The following CADM2 variants were observed in gnomAD, a reference collection of about 807,000 sequenced individuals.
The protein encoded by CADM2 is cell adhesion molecule 2.
Under a neutral mutation model 49.8 loss-of-function variants are expected in CADM2, and 12 were observed. That is an observed-to-expected ratio of 0.24 (90% CI 0.15 to 0.39). The LOEUF (loss-of-function observed/expected upper bound fraction) is 0.39, where lower values mean the gene tolerates loss of function less well. CADM2 is among the 10% of genes least tolerant of loss of function. CADM2 has a pLI of 1.00. For missense variants in CADM2, 378 were observed against 492.3 expected (o/e 0.77, Z 2.20); for synonymous variants, 214 against 175.4 (o/e 1.22, Z -1.74).
At chr3:85,743,382 A>G (rs924117135) in intron 2 of CADM2, among the ~76,000 whole-genome samples, 1 of 152,216 alleles carries the variant, frequency 6.6e-6, no homozygotes, top group Non-Finnish European at 1.5e-5. Flanking sequence ...ACAGAAAAAC[A>G]TAAGGCAGAT....
At chr3:84,991,983 A>T (rs2032917464) in intron 1 of CADM2, among the ~76,000 whole-genome samples, 1 of 152,200 alleles carries the variant, frequency 6.6e-6, no homozygotes, top group Non-Finnish European at 1.5e-5. Flanking sequence ...CCTGGTTACT[A>T]GGTGTTAGGG....
At chr3:85,539,513 G>A (rs374709888) in intron 1 of CADM2, among the ~76,000 whole-genome samples, 1 of 151,614 alleles carries the variant, frequency 6.6e-6, no homozygotes, top group African/African-American at 2.4e-5. Flanking sequence ...CCTTACTAAT[G>A]GTATAGATGC....
chr3:85,539,088 G>A (rs151028651), intron 1 of CADM2, among the ~76,000 whole-genome samples: 234 of 150,604 alleles, frequency 1.6e-3, no homozygotes, highest in African/African-American at 5.0e-3. Flanking sequence ...TAACCTTCTC[G>A]GTTTAAATGA....
chr3:85,086,438 G>T (rs577322975), intron 1 of CADM2, among the ~76,000 whole-genome samples: 3 of 151,306 alleles, frequency 2.0e-5, no homozygotes, highest in South Asian at 2.1e-4. Flanking sequence ...TAGTATACTA[G>T]ATGGTGTTTA....
chr3:85,628,003 C>G (rs2064177433), intron 1 of CADM2, among the ~76,000 whole-genome samples: 1 of 151,938 alleles, frequency 6.6e-6, no homozygotes, highest in South Asian at 2.1e-4. Flanking sequence ...AAACACTTCC[C>G]CAAGTGCTGG....
At chr3:86,046,719 C>G (rs1736728998) in intron 8 of CADM2, among the ~76,000 whole-genome samples, 2 of 152,072 alleles carry the variant, frequency 1.3e-5, no homozygotes, top group Admixed American at 1.3e-4. Context: ...GTGCATTCTT[C>G]CTTTTAGGCA....
intron 1 of CADM2, among the ~76,000 whole-genome samples, chr3:85,684,444 CAG>C (rs112163774): frequency 3.3e-3 from 482 of 146,666 alleles, no homozygotes; most frequent in Admixed American, 3.7e-3. Flanking sequence ...CACACTTTGA[CAG>C]AGAGAGAGAG....
At chr3:85,337,091 C>T (rs1023102013) in intron 1 of CADM2, among the ~76,000 whole-genome samples, 41 of 144,100 alleles carry the variant, frequency 2.8e-4, no homozygotes, top group African/African-American at 9.2e-4. Flanking sequence ...TAAGGGAAAA[C>T]AATATTTTGG....
chr3:85,914,014 C>T (rs1717960642), intron 6 of CADM2, among the ~76,000 whole-genome samples: 1 of 151,826 alleles, frequency 6.6e-6, no homozygotes, highest in Non-Finnish European at 1.5e-5. Context: ...TGGAGAATTG[C>T]CAGGTGAACT....
intron 8 of CADM2, among the ~76,000 whole-genome samples, chr3:85,987,869 C>G (rs999263278): frequency 6.6e-6 from 1 of 151,656 alleles, no homozygotes; most frequent in Non-Finnish European, 1.5e-5. Context: ...AAAAAAAAAT[C>G]ATTAATAAAC....
At chr3:86,002,670 A>G (rs186200381) in intron 8 of CADM2, among the ~76,000 whole-genome samples, 167 of 152,310 alleles carry the variant, frequency 1.1e-3, no homozygotes, top group African/African-American at 4.0e-3. Flanking sequence ...TCTAAGTTTG[A>G]CTCATAGAAT....
intron 1 of CADM2, among the ~76,000 whole-genome samples, chr3:85,644,051 C>A (rs1437212617): frequency 6.6e-6 from 1 of 152,082 alleles, no homozygotes; most frequent in Non-Finnish European, 1.5e-5. Flanking sequence ...TATACCCATG[C>A]ATTACTCTGC....
In CADM2 at chr3:85,066,244, A is replaced by G. The variant is rs557724965; in HGVS notation, c.61+106576A>G. 1.1e-4 allele frequency among the ~76,000 whole-genome samples: 16 copies of G among 151,986 alleles called. No homozygotes were observed. The East Asian group carries it at 3.1e-3, about 30-fold the overall frequency. On this transcript the variant is annotated intron_variant, in intron 1 of 9. Coordinates refer to ENST00000383699, the MANE Select transcript of CADM2 (RefSeq NM_001167675.2). ...GGTGGAGAAGTAGAGTTATCAGGAA[A>G]GGGTATGTCAAAATTTTCTTGGTTT...
chr3:85,527,141 C>T (rs879705653), intron 1 of CADM2, among the ~76,000 whole-genome samples: 2 of 151,954 alleles, frequency 1.3e-5, no homozygotes, highest in Non-Finnish European at 2.9e-5. Flanking sequence ...ATCACAGCAC[C>T]GTGGGATGCC....
At chr3:85,798,963 G>A (rs1332846671) in intron 2 of CADM2, among the ~76,000 whole-genome samples, 1 of 152,030 alleles carries the variant, frequency 6.6e-6, no homozygotes, top group African/African-American at 2.4e-5. Flanking sequence ...GTGGTTTGTA[G>A]TTCTCTTTGA....
chr3:85,312,214 A>G (rs929531581), intron 1 of CADM2, among the ~76,000 whole-genome samples: 1 of 152,158 alleles, frequency 6.6e-6, no homozygotes. Flanking sequence ...AGTACCTCAT[A>G]AAAAAGATAA....
At chr3:85,516,605 G>T (rs933863868) in intron 1 of CADM2, among the ~76,000 whole-genome samples, 1 of 151,952 alleles carries the variant, frequency 6.6e-6, no homozygotes, top group South Asian at 2.1e-4. Context: ...TATATATTTA[G>T]TGTAGCCTTT....
At chr3:85,355,195 A>G (rs1309446219) in intron 1 of CADM2, among the ~76,000 whole-genome samples, 2 of 152,110 alleles carry the variant, frequency 1.3e-5, no homozygotes, top group African/African-American at 4.8e-5. Context: ...AACTGCAAAG[A>G]GGGAAGGGGA....
intron 1 of CADM2, among the ~76,000 whole-genome samples, chr3:85,583,775 ATG>A (rs2062859063): frequency 6.6e-6 from 1 of 152,096 alleles, no homozygotes; most frequent in South Asian, 2.1e-4. Flanking sequence ...CTTGAAATCA[ATG>A]TGTTTCAGCA....
Sources: gnomAD v4.1 joint callset for allele counts (sites outside exome capture counted in the v4.1 genomes callset) on GRCh38, gnomAD v4.1.1 for gene constraint, MANE v1.5 for transcripts, NCBI Gene and HGNC (gene_info 2026-07-23, HGNC 2026-07-21) for gene names.